The following ZC3H11A variants were observed in gnomAD, a reference collection of about 807,000 sequenced individuals.
The protein encoded by ZC3H11A is zinc finger CCCH-type containing 11A.
In ZC3H11A, 22 loss-of-function variants were observed where a neutral mutation model predicts 90.8. The ratio of observed to expected loss-of-function variants is 0.24; its 90% CI spans 0.17 to 0.35. ZC3H11A has a LOEUF of 0.35. Among genes scored for constraint, ZC3H11A ranks in the 10% least tolerant of loss-of-function variants. The pLI is 1.00. For synonymous variants in ZC3H11A, 294 were observed against 339.8 expected, an observed-to-expected ratio of 0.87 and a Z score of 1.48; for missense variants, 701 against 964.9, an observed-to-expected ratio of 0.73 and a Z score of 3.62.
chr1:203,800,314 T>C (rs754273648), intron 1 of ZC3H11A: 9 of 893,456 alleles, frequency 1.0e-5, no homozygotes, highest in African/African-American at 1.6e-5. Flanking sequence ...AAACAGATCA[T>C]GAGCCTGGAC....
chr1:203,814,517 C>T (rs1572033403), intron 2 of ZC3H11A, among the ~76,000 whole-genome samples: 1 of 151,986 alleles, frequency 6.6e-6, no homozygotes, highest in African/African-American at 2.4e-5. Context: ...GAGCAAGACT[C>T]CATCTCAAAG....
chr1:203,830,309 A>T (rs746671154), intron 8 of ZC3H11A, 106 bp downstream of exon 8: 1 of 875,526 alleles, frequency 1.1e-6, no homozygotes, highest in Non-Finnish European at 1.8e-6. Context: ...TTTCATTTCC[A>T]TGGCCTGTTT....
At position 203,852,404 on chromosome 1, in the gene ZC3H11A, G is replaced by T; in HGVS notation, c.*5G>T. ...TCAGAAATGATTGATAGCTGAAGGT[G>T]GTAGTGAGGACACTTTAAAAAAAAA... On this transcript the variant is annotated 3_prime_UTR_variant, in exon 18 of 18. Transcript: ENST00000367210. 1 of 1,613,320 alleles carries T rather than the reference G, an allele frequency of 6.2e-7. No individual in the cohort carries two copies. The highest frequency in any genetic ancestry group is 8.5e-7 in the Non-Finnish European group (1 of 1,179,740).
intron 4 of ZC3H11A, among the ~76,000 whole-genome samples, chr1:203,824,232 T>TA (rs1192976983): frequency 2.0e-5 from 3 of 148,300 alleles, no homozygotes; most frequent in Non-Finnish European, 4.4e-5. Context: ...TACACCACTG[T>TA]ACTCCAGCCT....
Position 203,847,347 on chromosome 1 carries a change from T to C in ZC3H11A, c.1206T>C (p.Arg402=), listed in dbSNP as rs748881877. The change falls in exon 13 of 18, where the codon CGT becomes CGC. Residue 402 remains arginine, a synonymous_variant. Transcript: ENST00000367210. The part of the protein sequence containing the change: ...TSGARSSSTI[R]IKTFSEVLAE... ...GAGCAAGAAGCTCCTCCACTATCCG[T>C]ATCAAAACCTTCTCTGAGGTCCTGG... The C allele has an allele frequency of 5.0e-6, 8 of 1,613,616 alleles. No individual in the cohort carries two copies. The South Asian group carries it at 8.8e-5, about 18-fold the overall frequency.
At chr1:203,812,248 T>A (rs1410044177) in intron 2 of ZC3H11A, among the ~76,000 whole-genome samples, 2 of 152,164 alleles carry the variant, frequency 1.3e-5, no homozygotes, top group Non-Finnish European at 2.9e-5. Flanking sequence ...ATCTATTAGT[T>A]GTTTTTCCTG....
At chr1:203,833,059 C>A (rs1357329783) in intron 9 of ZC3H11A, among the ~76,000 whole-genome samples, 1 of 151,562 alleles carries the variant, frequency 6.6e-6, no homozygotes, top group Non-Finnish European at 1.5e-5. Flanking sequence ...CATGGTGAAA[C>A]CCTGTCTCTA....
chr1:203,833,761 G>C, intron 9 of ZC3H11A, 30 bp from the exon 10 acceptor site: 5 of 1,598,532 alleles, frequency 3.1e-6, no homozygotes, highest in Non-Finnish European at 4.3e-6. Flanking sequence ...ATTGACTAAG[G>C]ATAGAGAAAT....
chr1:203,828,196 C>T (rs1202265880), intron 4 of ZC3H11A, 103 bp from the exon 5 acceptor site: 3 of 1,384,316 alleles, frequency 2.2e-6, no homozygotes, highest in East Asian at 2.4e-5. Flanking sequence ...TCACATGCCT[C>T]GGATTTTTGA....
At chr1:203,817,209 T>A in intron 3 of ZC3H11A, 85 bp downstream of exon 3, 1 of 1,160,536 alleles carries the variant, frequency 8.6e-7, no homozygotes, top group Non-Finnish European at 1.2e-6. Context: ...TTAAGTTGTT[T>A]TTATTATATA....
intron 9 of ZC3H11A, among the ~76,000 whole-genome samples, chr1:203,833,408 G>A (rs1451110041): frequency 6.7e-6 from 1 of 149,066 alleles, no homozygotes; most frequent in African/African-American, 2.5e-5. Flanking sequence ...AGTGTGCGCA[G>A]TAGTCCCAGC....
In ZC3H11A at chr1:203,854,008, C is replaced by T. The variant is rs1266383987; in HGVS notation, c.*1609C>T. The T allele has an allele frequency of 6.6e-6, 1 of 152,586 alleles. No homozygotes were observed. The highest frequency in any genetic ancestry group is 1.5e-5 in the Non-Finnish European group (1 of 68,032). 9.5% of individuals were successfully genotyped at this position (152,586 alleles called of 1,614,324 possible). The stretch of plus-strand genomic sequence containing the variant: ...GCTTTTTTAAAAAATAATTTTGTTT[C>T]ATATTTAAAGCACTTGTATTAGTCA... On this transcript the variant is annotated 3_prime_UTR_variant, in exon 18 of 18. Transcript: ENST00000367210.
At chr1:203,833,383 A>C (rs1198695086) in intron 9 of ZC3H11A, among the ~76,000 whole-genome samples, 4 of 148,842 alleles carry the variant, frequency 2.7e-5, no homozygotes, top group African/African-American at 7.5e-5. Context: ...AAAAAAAAAA[A>C]ACACCAGGTG....
chr1:203,850,069 T>C, intron 15 of ZC3H11A, 43 bp downstream of exon 15: 1 of 1,581,796 alleles, frequency 6.3e-7, no homozygotes, highest in South Asian at 1.1e-5. Context: ...TTATCAAAAT[T>C]ACCAAATTCA....
At chr1:203,805,956 C>T (rs1223604004) in intron 2 of ZC3H11A, 6 of 620,410 alleles carry the variant, frequency 9.7e-6, no homozygotes, top group South Asian at 4.2e-5. Context: ...TAGCATCAAC[C>T]GTGGTCTTGG....
At chr1:203,842,341 A>G (rs912823095) in intron 12 of ZC3H11A, among the ~76,000 whole-genome samples, 1 of 152,220 alleles carries the variant, frequency 6.6e-6, no homozygotes, top group Non-Finnish European at 1.5e-5. Flanking sequence ...CTCCGTCTGC[A>G]ATCCCGGCAC....
At chr1:203,821,931 G>T (rs1043745094) in intron 4 of ZC3H11A, among the ~76,000 whole-genome samples, 1 of 151,892 alleles carries the variant, frequency 6.6e-6, no homozygotes, top group Non-Finnish European at 1.5e-5. Context: ...CTAATTTTTT[G>T]TACTTTTAGT....
At chr1:203,800,303 A>G (rs770799992) in intron 1 of ZC3H11A, 6 of 908,522 alleles carry the variant, frequency 6.6e-6, no homozygotes, top group South Asian at 2.8e-5. Flanking sequence ...ACTTTCATCC[A>G]AAACAGATCA....
intron 1 of ZC3H11A, chr1:203,796,555 A>G: frequency 2.5e-6 from 1 of 398,630 alleles, no homozygotes; most frequent in Non-Finnish European, 4.4e-6. Flanking sequence ...TTGGTTCTGG[A>G]CCTTGAGAAA....
Sources: gnomAD v4.1 joint callset for allele counts (sites outside exome capture counted in the v4.1 genomes callset) on GRCh38, gnomAD v4.1.1 for gene constraint, MANE v1.5 for transcripts, NCBI Gene and HGNC (gene_info 2026-07-23, HGNC 2026-07-21) for gene names.